The following NRG3 variants were observed in gnomAD, a reference collection of about 807,000 sequenced individuals.
NRG3 encodes neuregulin 3, also known as pro-neuregulin-3, membrane-bound isoform.
In NRG3, 31 loss-of-function variants were observed where a neutral mutation model predicts 66.9. The observed-to-expected ratio is 0.46, with a 90% CI of 0.35 to 0.63. The LOEUF is 0.63. NRG3 is among the 20% of genes least tolerant of loss of function. The probability of loss-of-function intolerance (pLI) is 0.00; values close to 1 mark genes in which losing one functional copy is unlikely to be tolerated. For synonymous variants in NRG3, 393 were observed against 359.4 expected, an observed-to-expected ratio of 1.09 and a Z score of -1.06; for missense variants, 910 against 878.9, an observed-to-expected ratio of 1.04 and a Z score of -0.45.
intron 1 of NRG3, among the ~76,000 whole-genome samples, chr10:81,962,569 G>T (rs80131544): frequency 0.034 from 5,107 of 152,330 alleles, 109 homozygotes; most frequent in Non-Finnish European, 0.048. Flanking sequence ...GTAATCCCAT[G>T]TGAGTCAGAG....
chr10:82,504,893 C>T (rs1363695551), intron 2 of NRG3, among the ~76,000 whole-genome samples: 2 of 151,858 alleles, frequency 1.3e-5, no homozygotes, highest in South Asian at 2.1e-4. Context: ...GTTACTACAG[C>T]ATAAACACAC....
At chr10:82,225,480 A>C (rs1020819326) in intron 1 of NRG3, 5 of 152,192 alleles carry the variant, frequency 3.3e-5, no homozygotes, top group African/African-American at 1.2e-4. Flanking sequence ...GAGGAAATAT[A>C]CCAAGCCAGG....
intron 2 of NRG3, among the ~76,000 whole-genome samples, chr10:82,404,231 CTG>C (rs1254190116): frequency 7.2e-5 from 11 of 152,252 alleles, no homozygotes; most frequent in African/African-American, 2.4e-4. Context: ...CTGTGTAAGA[CTG>C]CATTGCTCAC....
chr10:82,121,490 T>C (rs1366735491), intron 1 of NRG3, among the ~76,000 whole-genome samples: 1 of 152,148 alleles, frequency 6.6e-6, no homozygotes, highest in African/African-American at 2.4e-5. Flanking sequence ...AGGGGTCAAT[T>C]CCTGTTTTCT....
chr10:81,966,769 T>C (rs1311495810), intron 1 of NRG3, among the ~76,000 whole-genome samples: 1 of 152,220 alleles, frequency 6.6e-6, no homozygotes, highest in East Asian at 1.9e-4. Context: ...GATAATTCTC[T>C]TTGACCCAGT....
chr10:81,992,212 G>T (rs2060769605), intron 1 of NRG3, among the ~76,000 whole-genome samples: 1 of 151,776 alleles, frequency 6.6e-6, no homozygotes, highest in Non-Finnish European at 1.5e-5. Context: ...TTTTTTCTTT[G>T]AATATATATT....
intron 1 of NRG3, among the ~76,000 whole-genome samples, chr10:81,956,174 C>T (rs1045558389): frequency 1.3e-5 from 2 of 152,134 alleles, no homozygotes; most frequent in Non-Finnish European, 2.9e-5. Flanking sequence ...ATACAGTAGA[C>T]GTGATGTTTG....
intron 1 of NRG3, among the ~76,000 whole-genome samples, chr10:82,120,940 T>C (rs1425891379): frequency 6.6e-6 from 1 of 152,144 alleles, no homozygotes; most frequent in Non-Finnish European, 1.5e-5. Context: ...CTTCCCTTTT[T>C]TTCATTTGCT....
chr10:82,668,440 C>T (rs2052978153), intron 2 of NRG3, among the ~76,000 whole-genome samples: 1 of 152,080 alleles, frequency 6.6e-6, no homozygotes, highest in South Asian at 2.1e-4. Context: ...TTGGCCTTCC[C>T]CTTGATGAGT....
At chr10:82,904,549 T>C (rs1487923294) in intron 4 of NRG3, among the ~76,000 whole-genome samples, 1 of 152,168 alleles carries the variant, frequency 6.6e-6, no homozygotes, top group African/African-American at 2.4e-5. Context: ...TTTATGCACA[T>C]CTTTGTTGAA....
rs143032595 is a variant in NRG3 at position 82,585,941 on chromosome 10, G to A, written c.954-152636G>A. ...TGAAATAGGATTACTTAAAAACTGC[G>A]TTAATATTCAATAGCTTAAATCTGA... is the stretch of plus-strand genomic sequence containing the variant. On this transcript the variant is annotated intron_variant, in intron 2 of 8. Transcript: ENST00000372141. Among the ~76,000 whole-genome samples, 13 of 152,208 alleles carry A rather than the reference G, an allele frequency of 8.5e-5. No individual in the cohort carries two copies. In the East Asian group the frequency reaches 2.1e-3, roughly 25 times the overall value.
rs571416388 is a variant in NRG3 at position 82,366,813 on chromosome 10, C to A, written c.953+7945C>A. ...ATTTACTTTTTTCTTAATTCTTTCC[C>A]AAAATAGTTTTCTGAAAGTTTAGCT... is the stretch of plus-strand genomic sequence containing the variant. On this transcript the variant is annotated intron_variant, in intron 2 of 8. Coordinates refer to ENST00000372141, the MANE Select transcript of NRG3 (RefSeq NM_001010848.4). Among the ~76,000 whole-genome samples, 219 of 152,064 alleles carry A rather than the reference C, an allele frequency of 1.4e-3. 1 individual carries two copies. The highest frequency in any genetic ancestry group is 5.0e-3 in the African/African-American group (206 of 41,478).
At chr10:82,840,617 T>C (rs1458114773) in intron 3 of NRG3, among the ~76,000 whole-genome samples, 1 of 152,160 alleles carries the variant, frequency 6.6e-6, no homozygotes, top group African/African-American at 2.4e-5. Context: ...GAGAATATCG[T>C]AACTGCTATA....
intron 1 of NRG3, among the ~76,000 whole-genome samples, chr10:82,089,015 A>G (rs1472026506): frequency 6.6e-6 from 1 of 152,060 alleles, no homozygotes; most frequent in Non-Finnish European, 1.5e-5. Flanking sequence ...TAAAGAATCA[A>G]CAAAGTATGA....
chr10:82,485,907 A>T (rs1160802623), intron 2 of NRG3, among the ~76,000 whole-genome samples: 1 of 152,104 alleles, frequency 6.6e-6, no homozygotes, highest in Non-Finnish European at 1.5e-5. Flanking sequence ...TCTAATAAGG[A>T]CTCAATATCT....
intron 1 of NRG3, among the ~76,000 whole-genome samples, chr10:82,314,086 A>C (rs2081175658): frequency 6.6e-6 from 1 of 152,198 alleles, no homozygotes; most frequent in African/African-American, 2.4e-5. Flanking sequence ...TCATAATAGA[A>C]CCTACTCAGG....
intron 2 of NRG3, among the ~76,000 whole-genome samples, chr10:82,400,328 TAAATTGC>T (rs1170379072): frequency 6.6e-6 from 1 of 152,166 alleles, no homozygotes; most frequent in Non-Finnish European, 1.5e-5. Flanking sequence ...TACTGTTATT[TAAATTGC>T]ATAGGTGAGA....
At chr10:81,929,154 G>A (rs1847098484) in intron 1 of NRG3, among the ~76,000 whole-genome samples, 2 of 151,932 alleles carry the variant, frequency 1.3e-5, no homozygotes, top group Non-Finnish European at 2.9e-5. Flanking sequence ...TGACTTTTCT[G>A]TCAAGCAGAG....
At chr10:82,489,502 T>A (rs963146907) in intron 2 of NRG3, among the ~76,000 whole-genome samples, 1 of 152,240 alleles carries the variant, frequency 6.6e-6, no homozygotes, top group South Asian at 2.1e-4. Context: ...GAGGCAGCAA[T>A]GTCACTCTTA....
Sources: gnomAD v4.1 joint callset for allele counts (sites outside exome capture counted in the v4.1 genomes callset) on GRCh38, gnomAD v4.1.1 for gene constraint, MANE v1.5 for transcripts, NCBI Gene and HGNC (gene_info 2026-07-23, HGNC 2026-07-21) for gene names.